The following NTM variants were observed in gnomAD, a reference collection of about 807,000 sequenced individuals.
The protein encoded by NTM is neurotrimin, also known as IgLON family member 2.
In NTM, 13 loss-of-function variants were observed where a neutral mutation model predicts 42.1. That is an observed-to-expected ratio of 0.31 (90% CI 0.20 to 0.49). The LOEUF is 0.49. NTM is among the 20% of genes least tolerant of loss of function. NTM has a pLI of 0.99. For missense variants in NTM, 373 were observed against 452.8 expected (o/e 0.82, Z 1.60); for synonymous variants, 187 against 179.2 (o/e 1.04, Z -0.35).
intron 2 of NTM, among the ~76,000 whole-genome samples, chr11:131,915,408 A>G (rs2056133705): frequency 6.6e-6 from 1 of 152,244 alleles, no homozygotes; most frequent in Non-Finnish European, 1.5e-5. Flanking sequence ...GGAAAGCAAG[A>G]ATCATGCCTT....
chr11:131,488,526 C>T (rs1383504721), intron 1 of NTM, among the ~76,000 whole-genome samples: 1 of 152,110 alleles, frequency 6.6e-6, no homozygotes, highest in African/African-American at 2.4e-5. Flanking sequence ...TTTTATTGGT[C>T]AGAGAAACTT....
chr11:131,925,781 C>T (rs552521350), intron 2 of NTM, among the ~76,000 whole-genome samples: 1 of 152,204 alleles, frequency 6.6e-6, no homozygotes, highest in African/African-American at 2.4e-5. Context: ...GGGGAAGAGG[C>T]TGAGCCAGAG....
Position 132,058,014 on chromosome 11 carries a change from T to A in NTM, c.168-88268T>A, listed in dbSNP as rs367845139. 3.4e-4 allele frequency among the ~76,000 whole-genome samples: 52 copies of A among 152,308 alleles called. No individual in the cohort carries two copies. The East Asian group carries it at 8.3e-3, about 24-fold the overall frequency. On this transcript the variant is annotated intron_variant, in intron 2 of 8. Coordinates refer to ENST00000683400, the MANE Select transcript of NTM (RefSeq NM_001352005.2). ...TGTTCATGACTGAAATATTTTTTTA[T>A]CTCTCTGTGGACATGAAACCTACAT...
intron 4 of NTM, among the ~76,000 whole-genome samples, chr11:132,269,143 A>C (rs1004482685): frequency 6.6e-6 from 1 of 152,202 alleles, no homozygotes; most frequent in Admixed American, 6.5e-5. Context: ...AGGGCATGAT[A>C]TTGTTTTGAA....
chr11:131,411,090 G>A (rs1487407952), intron 1 of NTM, among the ~76,000 whole-genome samples: 1 of 152,108 alleles, frequency 6.6e-6, no homozygotes, highest in Non-Finnish European at 1.5e-5. Flanking sequence ...GTCCCTGGGG[G>A]TTCCCACCTG....
chr11:132,040,671 G>A (rs1451307550), intron 2 of NTM, among the ~76,000 whole-genome samples: 1 of 152,174 alleles, frequency 6.6e-6, no homozygotes, highest in Non-Finnish European at 1.5e-5. Context: ...TTGTGGACAG[G>A]ACAGTCTATT....
intron 4 of NTM, among the ~76,000 whole-genome samples, chr11:132,292,417 C>G (rs184928395): frequency 6.6e-6 from 1 of 152,142 alleles, no homozygotes; most frequent in Non-Finnish European, 1.5e-5. Flanking sequence ...GCCCCTCCCC[C>G]ACCTCAGTGG....
At chr11:131,693,592 C>G (rs1383953808) in intron 1 of NTM, among the ~76,000 whole-genome samples, 2 of 152,148 alleles carry the variant, frequency 1.3e-5, no homozygotes, top group African/African-American at 4.8e-5. Flanking sequence ...GAAAATTACC[C>G]AGCACCAGCC....
intron 1 of NTM, among the ~76,000 whole-genome samples, chr11:131,474,425 AC>A (rs1952727632): frequency 1.3e-5 from 2 of 152,016 alleles, no homozygotes; most frequent in Admixed American, 1.3e-4. Flanking sequence ...TCATTTACAT[AC>A]TAGTAATTCC....
chr11:131,608,481 C>T (rs1016940368), intron 1 of NTM, among the ~76,000 whole-genome samples: 3 of 151,948 alleles, frequency 2.0e-5, no homozygotes, highest in Admixed American at 6.6e-5. Flanking sequence ...AAAGAAAGTT[C>T]TTTTTTTTGG....
At chr11:132,262,613 C>T (rs547655761) in intron 4 of NTM, among the ~76,000 whole-genome samples, 2 of 152,096 alleles carry the variant, frequency 1.3e-5, no homozygotes, top group African/African-American at 2.4e-5. Flanking sequence ...ATTCCATTCA[C>T]GAGGACTCCA....
intron 2 of NTM, among the ~76,000 whole-genome samples, chr11:131,965,743 G>A (rs1404098413): frequency 6.6e-6 from 1 of 152,108 alleles, no homozygotes; most frequent in Non-Finnish European, 1.5e-5. Context: ...ACATTGGAGT[G>A]ATTTATTCTT....
At chr11:131,444,291 A>C (rs1399884388) in intron 1 of NTM, among the ~76,000 whole-genome samples, 1 of 151,952 alleles carries the variant, frequency 6.6e-6, no homozygotes, top group Non-Finnish European at 1.5e-5. Context: ...AAATGAGAAA[A>C]AGCAGGGGCA....
intron 2 of NTM, among the ~76,000 whole-genome samples, chr11:131,945,399 G>A (rs113547435): frequency 5.1e-4 from 78 of 152,254 alleles, no homozygotes; most frequent in Non-Finnish European, 9.3e-4. Context: ...ATCCCACTGG[G>A]TGTGGTTAGC....
intron 2 of NTM, among the ~76,000 whole-genome samples, chr11:132,128,084 G>A (rs1357537293): frequency 6.6e-6 from 1 of 152,194 alleles, no homozygotes; most frequent in Admixed American, 6.5e-5. Context: ...TTTGGCAGAA[G>A]GCTGTCTGGG....
At chr11:131,817,509 C>T (rs1036079359) in intron 1 of NTM, among the ~76,000 whole-genome samples, 1 of 152,188 alleles carries the variant, frequency 6.6e-6, no homozygotes, top group African/African-American at 2.4e-5. Flanking sequence ...AACTGGGCAC[C>T]TCAGGGGCTC....
At chr11:132,203,122 G>A (rs775247387) in intron 3 of NTM, among the ~76,000 whole-genome samples, 9 of 152,120 alleles carry the variant, frequency 5.9e-5, no homozygotes, top group African/African-American at 2.2e-4. Context: ...GTTGCACAGC[G>A]CACCCTGGCC....
At chr11:131,502,118 C>A (rs760599069) in intron 1 of NTM, among the ~76,000 whole-genome samples, 4 of 152,056 alleles carry the variant, frequency 2.6e-5, no homozygotes, top group Non-Finnish European at 5.9e-5. Flanking sequence ...GGGCGTGCTG[C>A]TGAGGTCCCA....
chr11:131,524,452 C>T (rs2050185698), intron 1 of NTM, among the ~76,000 whole-genome samples: 1 of 152,202 alleles, frequency 6.6e-6, no homozygotes, highest in Non-Finnish European at 1.5e-5. Flanking sequence ...AAATGTAATC[C>T]ACCTCTCAGC....
Sources: allele counts gnomAD v4.1 joint callset (sites outside exome capture counted in the v4.1 genomes callset), GRCh38; gene constraint gnomAD v4.1.1; transcripts MANE v1.5; gene names NCBI Gene and HGNC (gene_info 2026-07-23, HGNC 2026-07-21).